The following NADK2 variants were observed in gnomAD, a reference collection of about 807,000 sequenced individuals.
The protein encoded by NADK2 is NAD kinase 2, mitochondrial, also known as NAD kinase domain-containing protein 1, mitochondrial.
NADK2 carries 35 observed loss-of-function variants against 62.1 expected under a neutral mutation model. That is an observed-to-expected ratio of 0.56 (90% CI 0.43 to 0.75). The LOEUF is 0.75. Ranked by LOEUF, NADK2 falls within the 30% of genes least tolerant of loss-of-function variation. NADK2 has a pLI of 0.00. For missense variants in NADK2, 439 were observed against 561.3 expected (o/e 0.78, Z 2.20); for synonymous variants, 205 against 207.9 (o/e 0.99, Z 0.12).
intron 1 of NADK2, among the ~76,000 whole-genome samples, chr5:36,230,939 C>T (rs1003517367): frequency 6.6e-6 from 1 of 152,202 alleles, no homozygotes; most frequent in Non-Finnish European, 1.5e-5. Flanking sequence ...CCTATTACAA[C>T]AGTTATATCT....
chr5:36,237,540 T>C (rs1282221795), intron 1 of NADK2, among the ~76,000 whole-genome samples: 2 of 152,214 alleles, frequency 1.3e-5, no homozygotes, highest in African/African-American at 2.4e-5. Context: ...CTTTGTATAA[T>C]ATTTTGTATC....
chr5:36,220,710 G>A (rs1187292159), intron 4 of NADK2, among the ~76,000 whole-genome samples: 1 of 152,226 alleles, frequency 6.6e-6, no homozygotes, highest in Admixed American at 6.5e-5. Flanking sequence ...TCAACTGCAA[G>A]TCTAAAACCC....
intron 1 of NADK2, among the ~76,000 whole-genome samples, chr5:36,239,589 T>C (rs917831990): frequency 6.6e-6 from 1 of 152,206 alleles, no homozygotes; most frequent in African/African-American, 2.4e-5. Flanking sequence ...CTTAGGTAGT[T>C]TGACTTTTTA....
At chr5:36,236,880 A>C (rs4320289) in intron 1 of NADK2, among the ~76,000 whole-genome samples, 3 of 151,528 alleles carry the variant, frequency 2.0e-5, no homozygotes, top group East Asian at 3.9e-4. Flanking sequence ...AAAAAAAAAA[A>C]AAAAAAACAG....
At position 36,205,911 on chromosome 5, in the gene NADK2, A is replaced by G. The variant is rs1439237492; in HGVS notation, c.956+1259T>C. 2.6e-5 allele frequency among the ~76,000 whole-genome samples: 4 copies of G among 152,206 alleles called. No individual in the cohort carries two copies. The East Asian group carries it at 7.7e-4, about 29-fold the overall frequency. On this transcript the variant is annotated intron_variant, in intron 8 of 11. Transcript: ENST00000381937. This position sits in a 1 kb window ranked among gnomAD's most constrained non-coding sequence, Gnocchi z 4.1. ...ACCAACCCAATTGTCCACCAATAAC[A>G]GACTGGATAAAGAAAATGTGGCACA...
chr5:36,235,331 T>A (rs1170130211), intron 1 of NADK2, among the ~76,000 whole-genome samples: 2 of 152,224 alleles, frequency 1.3e-5, no homozygotes, highest in African/African-American at 4.8e-5. Context: ...AGGTACATAA[T>A]TTAAATATAT....
chr5:36,204,094 CT>C (rs1415735039), intron 8 of NADK2, among the ~76,000 whole-genome samples: 1 of 152,118 alleles, frequency 6.6e-6, no homozygotes, highest in East Asian at 1.9e-4. Flanking sequence ...TAACTTACTC[CT>C]TTATAAAATG....
chr5:36,241,223 C>T lies in NADK2; in HGVS notation c.300+276G>A. 2.4e-6 allele frequency: 1 copy of T among 409,984 alleles called. No individual in the cohort carries two copies. The highest frequency in any genetic ancestry group is 3.9e-6 in the Non-Finnish European group (1 of 258,344). 25.4% of individuals were successfully genotyped at this position (409,984 alleles called of 1,614,324 possible). On this transcript the variant is annotated intron_variant, in intron 1 of 11. Transcript: ENST00000381937. This position sits in a 1 kb window ranked among gnomAD's most constrained non-coding sequence, Gnocchi z 4.9. ...CTGAGGCCACTCGGCAGCCCCTCTT[C>T]GCCCTCCCCGCGGCGCCCCTGCCTC...
At chr5:36,227,620 CTAA>C in intron 1 of NADK2, 55 bp from the exon 2 acceptor site, 1 of 953,030 alleles carries the variant, frequency 1.0e-6, no homozygotes, top group Non-Finnish European at 1.5e-6. Flanking sequence ...ACATGATGTT[CTAA>C]TATTATGATT....
chr5:36,197,273 T>C (rs573353855), intron 11 of NADK2, among the ~76,000 whole-genome samples: 10 of 152,202 alleles, frequency 6.6e-5, no homozygotes, highest in Non-Finnish European at 1.3e-4. Context: ...GTTCATTTTT[T>C]AAAAACCAAC....
intron 6 of NADK2, 79 bp from the exon 7 acceptor site, chr5:36,212,001 TACA>T: frequency 9.8e-7 from 1 of 1,024,704 alleles, no homozygotes; most frequent in Non-Finnish European, 1.5e-6. Flanking sequence ...TATAAAACAC[TACA>T]ACTTTTATAT....
intron 4 of NADK2, among the ~76,000 whole-genome samples, 159 bp from the exon 5 acceptor site, chr5:36,219,838 T>G (rs930023589): frequency 5.3e-5 from 8 of 152,224 alleles, no homozygotes; most frequent in Admixed American, 3.9e-4. Flanking sequence ...AATTGTGTTC[T>G]TTAAATAAAA....
Position 36,205,339 on chromosome 5 carries a change from A to AT in NADK2, c.956+1830dup, listed in dbSNP as rs1207115473. ...AAAGAGAATGACATTTCAAGACTGG[A>AT]TTTTCAGACAGTGGATAGAAAGTGG... On this transcript the variant is annotated intron_variant, in intron 8 of 11. Transcript: ENST00000381937. This position sits in a 1 kb window ranked among gnomAD's most constrained non-coding sequence, Gnocchi z 4.1. 2.6e-5 allele frequency among the ~76,000 whole-genome samples: 4 copies of AT among 152,086 alleles called. No individual in the cohort carries two copies. Among genetic ancestry groups the AT allele is most frequent in the Admixed American group, 2.0e-4 (3 of 15,224 alleles).
chr5:36,198,226 A>C (rs540057649), intron 10 of NADK2, among the ~76,000 whole-genome samples: 12 of 152,152 alleles, frequency 7.9e-5, no homozygotes, highest in African/African-American at 1.7e-4. Flanking sequence ...ACAAAGCACA[A>C]ATTGGTTGAG....
intron 5 of NADK2, among the ~76,000 whole-genome samples, chr5:36,218,674 G>A (rs186319700): frequency 6.6e-6 from 1 of 152,266 alleles, no homozygotes; most frequent in Admixed American, 6.5e-5. Flanking sequence ...ATAAAAAGTA[G>A]TCCAACTTAG....
In NADK2 at chr5:36,241,421, G is replaced by A; in HGVS notation, c.300+78C>T. Reference sequence around the variant, plus strand: ...TGCCCTGGGAAGAGTCGTCCCGAGAGGTCCCCCCGAGGGGGCGCAGCCGCC... The same window carrying A: ...TGCCCTGGGAAGAGTCGTCCCGAGAAGTCCCCCCGAGGGGGCGCAGCCGCC... On this transcript the variant is annotated intron_variant, in intron 1 of 11. Transcript: ENST00000381937. The surrounding 1 kb of genome is among the most constrained non-coding windows in gnomAD (Gnocchi z 4.9). 1 of 1,434,692 alleles carries A rather than the reference G, an allele frequency of 7.0e-7. No homozygotes were observed. Among genetic ancestry groups the A allele is most frequent in the Non-Finnish European group, 9.1e-7 (1 of 1,097,180 alleles). The allele number at this position is 1,434,692 out of a possible 1,614,324, so 88.9% of individuals were successfully genotyped here. A position where few individuals can be genotyped will look rare whatever the true frequency, so the allele number is the denominator to read the frequency against.
In NADK2 at chr5:36,219,580, C is replaced by T. The variant is rs190838707; in HGVS notation, c.644+16G>A. The T allele has an allele frequency of 7.9e-4, 1,264 of 1,601,560 alleles. 1 individual carries two copies. Among genetic ancestry groups the T allele is most frequent in the Admixed American group, 1.5e-3 (89 of 59,710 alleles). On this transcript the variant is annotated intron_variant, in intron 5 of 11. Transcript: ENST00000381937. ...ATTAAGATACTTACATAAGAACAAC[C>T]GTAAGAAATTCCTACCTGAACTCAC...
At chr5:36,197,462 T>C (rs2112053277) in intron 11 of NADK2, 79 bp downstream of exon 11, 1 of 1,567,134 alleles carries the variant, frequency 6.4e-7, no homozygotes, top group East Asian at 2.3e-5. Context: ...TTAATGAAAT[T>C]AAATAGTTTT....
At chr5:36,208,249 T>C (rs763833130) in intron 7 of NADK2, among the ~76,000 whole-genome samples, 1 of 152,124 alleles carries the variant, frequency 6.6e-6, no homozygotes, top group Non-Finnish European at 1.5e-5. Context: ...TTTTTCTCTA[T>C]AGTCAGAATT....
Sources: gnomAD v4.1 joint callset for allele counts (sites outside exome capture counted in the v4.1 genomes callset) on GRCh38, gnomAD v4.1.1 for gene constraint, Gnocchi (gnomAD v3.1) non-coding constraint, MANE v1.5 for transcripts, NCBI Gene and HGNC (gene_info 2026-07-23, HGNC 2026-07-21) for gene names.